WASF1: variants seen among roughly 807,000 people sequenced by gnomAD.
WASF1 encodes the protein actin-binding protein WASF1.
Under a neutral mutation model 50.5 loss-of-function variants are expected in WASF1, and 7 were observed. The ratio of observed to expected loss-of-function variants is 0.14; its 90% CI spans 0.08 to 0.26. The LOEUF is 0.26. WASF1 is among the 10% of genes least tolerant of loss of function. WASF1 has a pLI of 1.00. For synonymous variants in WASF1, 205 were observed against 244.0 expected (o/e 0.84, Z 1.49); for missense variants, 470 against 694.7 (o/e 0.68, Z 3.64).
At chr6:110,167,254 T>C (rs954036852) in intron 2 of WASF1, among the ~76,000 whole-genome samples, 1 of 151,984 alleles carries the variant, frequency 6.6e-6, no homozygotes, top group African/African-American at 2.4e-5. Context: ...ATGTATCTAC[T>C]ATCCTATACT....
chr6:110,146,984 T>C (rs1379151389), intron 3 of WASF1, among the ~76,000 whole-genome samples: 29 of 152,260 alleles, frequency 1.9e-4, no homozygotes, highest in Non-Finnish European at 1.3e-4. Context: ...TGAGGTACTC[T>C]GGCTCTTGGT....
chr6:110,107,040 C>T, intron 7 of WASF1, 37 bp downstream of exon 7: 2 of 1,448,900 alleles, frequency 1.4e-6, no homozygotes, highest in Non-Finnish European at 1.9e-6. Flanking sequence ...CACAAATATA[C>T]AAAAATTAAC....
At chr6:110,118,621 A>C (rs1433547212) in intron 4 of WASF1, among the ~76,000 whole-genome samples, 1 of 152,180 alleles carries the variant, frequency 6.6e-6, no homozygotes, top group Admixed American at 6.5e-5. Flanking sequence ...CACTGTCAAT[A>C]TTAGACACAT....
At chr6:110,167,231 A>G (rs1218212971) in intron 2 of WASF1, among the ~76,000 whole-genome samples, 2 of 151,856 alleles carry the variant, frequency 1.3e-5, no homozygotes, top group Non-Finnish European at 2.9e-5. Flanking sequence ...ATAAACTACT[A>G]TATTACTGGT....
intron 3 of WASF1, among the ~76,000 whole-genome samples, chr6:110,135,322 G>A (rs1774897466): frequency 6.6e-6 from 1 of 151,572 alleles, no homozygotes; most frequent in African/African-American, 2.4e-5. Context: ...AACAGCGACA[G>A]TATGACTTCC....
intron 3 of WASF1, among the ~76,000 whole-genome samples, chr6:110,149,784 T>G (rs1017886902): frequency 1.3e-5 from 2 of 152,322 alleles, no homozygotes; most frequent in Non-Finnish European, 2.9e-5. Context: ...TAGTGATTTC[T>G]GGGATTATGG....
chr6:110,102,434 T>C (rs976390754), intron 9 of WASF1, among the ~76,000 whole-genome samples: 4 of 152,040 alleles, frequency 2.6e-5, no homozygotes, highest in Admixed American at 2.6e-4. Context: ...TGGTTTGTAA[T>C]AGTCTAAATA....
chr6:110,129,538 C>T (rs904684992), intron 3 of WASF1, among the ~76,000 whole-genome samples: 1 of 152,058 alleles, frequency 6.6e-6, no homozygotes, highest in Non-Finnish European at 1.5e-5. Context: ...GCAAAAAAAC[C>T]TTCACATTTA....
At chr6:110,150,024 T>C (rs1775756208) in intron 3 of WASF1, among the ~76,000 whole-genome samples, 1 of 152,172 alleles carries the variant, frequency 6.6e-6, no homozygotes. Flanking sequence ...GCCTTGTTAC[T>C]GTATTTAAGT....
chr6:110,155,777 C>T (rs1377846198), intron 3 of WASF1, among the ~76,000 whole-genome samples: 6 of 40,464 alleles, frequency 1.5e-4, no homozygotes, highest in Non-Finnish European at 2.8e-4. Context: ...TTGTTCAATT[C>T]CCACCTATGA....
intron 3 of WASF1, among the ~76,000 whole-genome samples, chr6:110,145,590 G>T (rs1342339595): frequency 6.6e-6 from 1 of 152,178 alleles, no homozygotes; most frequent in Non-Finnish European, 1.5e-5. Flanking sequence ...GATATTGGCT[G>T]TGGGTTTGTC....
intron 4 of WASF1, among the ~76,000 whole-genome samples, chr6:110,125,522 G>A (rs1774380131): frequency 6.6e-6 from 1 of 152,148 alleles, no homozygotes; most frequent in African/African-American, 2.4e-5. Flanking sequence ...AACAGGTTTT[G>A]AGAGAGGGAT....
intron 3 of WASF1, among the ~76,000 whole-genome samples, chr6:110,149,995 A>G (rs1046486565): frequency 6.6e-6 from 1 of 152,064 alleles, no homozygotes; most frequent in Non-Finnish European, 1.5e-5. Flanking sequence ...CCTATTAGAG[A>G]TGTGAGCCAC....
chr6:110,141,852 A>C (rs1583988667), intron 3 of WASF1, among the ~76,000 whole-genome samples: 1 of 151,702 alleles, frequency 6.6e-6, no homozygotes, highest in Non-Finnish European at 1.5e-5. Flanking sequence ...GCTCACTGCA[A>C]CCTCCGCAAC....
intron 4 of WASF1, 144 bp downstream of exon 4, chr6:110,127,325 T>C (rs1444053663): frequency 4.9e-6 from 3 of 616,442 alleles, no homozygotes; most frequent in Non-Finnish European, 4.9e-6. Flanking sequence ...TCAATAATTA[T>C]ACTCATGTGA....
At chr6:110,123,674 C>T (rs1774239014) in intron 4 of WASF1, among the ~76,000 whole-genome samples, 1 of 152,144 alleles carries the variant, frequency 6.6e-6, no homozygotes. Flanking sequence ...AAGAGCAACA[C>T]AGCAGAGATA....
chr6:110,100,730 G>C (rs565551426), intron 10 of WASF1, 51 bp from the exon 11 acceptor site: 4 of 1,435,542 alleles, frequency 2.8e-6, no homozygotes, highest in African/African-American at 2.9e-5. Flanking sequence ...CTAGATACTA[G>C]ATATTATTAA....
At chr6:110,118,646 G>A (rs979815058) in intron 4 of WASF1, among the ~76,000 whole-genome samples, 8 of 152,040 alleles carry the variant, frequency 5.3e-5, no homozygotes, top group African/African-American at 1.9e-4. Context: ...GAGACAGAAG[G>A]TTAACAAAGA....
intron 4 of WASF1, among the ~76,000 whole-genome samples, chr6:110,114,097 T>C (rs1380901248): frequency 1.3e-5 from 2 of 152,214 alleles, no homozygotes; most frequent in East Asian, 1.9e-4. Context: ...GATACTGCAG[T>C]TAGCTCTAGT....
Sources: allele counts gnomAD v4.1 joint callset (sites outside exome capture counted in the v4.1 genomes callset), GRCh38; gene constraint gnomAD v4.1.1; transcripts MANE v1.5; gene names NCBI Gene and HGNC (gene_info 2026-07-23, HGNC 2026-07-21).